CCDC169: variants seen among roughly 807,000 people sequenced by gnomAD.
The protein encoded by CCDC169 is coiled-coil domain containing 169.
Under a neutral mutation model 36.0 loss-of-function variants are expected in CCDC169, and 30 were observed. That is an observed-to-expected ratio of 0.83 (90% CI 0.62 to 1.13). CCDC169 has a LOEUF of 1.13. CCDC169 is among the 50% of genes most tolerant of loss of function. CCDC169 has a pLI of 0.00. For synonymous variants in CCDC169, 85 were observed against 81.5 expected (o/e 1.04, Z -0.23); for missense variants, 245 against 245.9 (o/e 1.00, Z 0.03).
At chr13:36,291,220 A>G (rs1213743855) in intron 2 of CCDC169, among the ~76,000 whole-genome samples, 1 of 152,216 alleles carries the variant, frequency 6.6e-6, no homozygotes, top group Non-Finnish European at 1.5e-5. Flanking sequence ...TAAGATACAC[A>G]CTGTTATGTT....
rs144875296 is a variant in CCDC169 at position 36,252,446 on chromosome 13, C to T, written c.468+1357G>A. Among the ~76,000 whole-genome samples, 43 of 152,284 alleles carry T rather than the reference C, an allele frequency of 2.8e-4. No individual in the cohort carries two copies. In the East Asian group the frequency reaches 5.2e-3, roughly 18 times the overall value. The stretch of plus-strand genomic sequence containing the variant: ...CTAATCCCCAAACCTAATGCCCTTC[C>T]TCTCAATCCTTTCATTATCCCTCTA... On this transcript the variant is annotated intron_variant, in intron 6 of 7. Transcript: ENST00000239859.
At chr13:36,253,086 G>A (rs1231615561) in intron 6 of CCDC169, among the ~76,000 whole-genome samples, 2 of 152,208 alleles carry the variant, frequency 1.3e-5, no homozygotes, top group East Asian at 3.9e-4. Flanking sequence ...GAAAATAGAT[G>A]CAACACCTTT....
At chr13:36,285,454 G>A (rs868260218) in intron 2 of CCDC169, among the ~76,000 whole-genome samples, 1 of 152,122 alleles carries the variant, frequency 6.6e-6, no homozygotes. Flanking sequence ...GGAGGCTGAG[G>A]CAGAAGAATT....
At chr13:36,255,659 TAA>T (rs3083965) in intron 4 of CCDC169, among the ~76,000 whole-genome samples, 5 of 124,568 alleles carry the variant, frequency 4.0e-5, no homozygotes, top group Admixed American at 8.3e-5. Context: ...CAAGGCTCCA[TAA>T]AAAAAAAAAA....
chr13:36,222,733 T>C (rs537972546), downstream of CCDC169: 1 of 152,204 alleles, frequency 6.6e-6, no homozygotes, highest in Admixed American at 6.5e-5. Context: ...GCATCTAATA[T>C]AAAATTAGTA....
At chr13:36,237,106 A>G (rs1165396215) in intron 7 of CCDC169, among the ~76,000 whole-genome samples, 1 of 151,736 alleles carries the variant, frequency 6.6e-6, no homozygotes, top group Non-Finnish European at 1.5e-5. Context: ...ATTTTTTTTG[A>G]TCCACAGTTG....
chr13:36,279,437 T>C (rs1669969343), intron 4 of CCDC169, among the ~76,000 whole-genome samples: 3 of 152,216 alleles, frequency 2.0e-5, no homozygotes, highest in Admixed American at 6.5e-5. Context: ...AGAAATACTT[T>C]ATAATAATTT....
intron 4 of CCDC169, among the ~76,000 whole-genome samples, chr13:36,259,314 C>T (rs1404987665): frequency 6.6e-6 from 1 of 152,150 alleles, no homozygotes; most frequent in Admixed American, 6.5e-5. Flanking sequence ...CCCCAGGAAG[C>T]GCTTCTTGGT....
At chr13:36,275,638 A>G (rs916324228) in intron 4 of CCDC169, among the ~76,000 whole-genome samples, 2 of 152,200 alleles carry the variant, frequency 1.3e-5, no homozygotes, top group Admixed American at 6.5e-5. Context: ...ATCAGGCATT[A>G]AAAACAACAT....
At chr13:36,294,296 G>A (rs1879229612) in intron 2 of CCDC169, among the ~76,000 whole-genome samples, 1 of 152,136 alleles carries the variant, frequency 6.6e-6, no homozygotes, top group African/African-American at 2.4e-5. Flanking sequence ...CTGTGAGCAT[G>A]CCTTCTGTTT....
intron 7 of CCDC169, 113 bp from the exon 8 acceptor site, chr13:36,231,405 T>C: frequency 1.9e-6 from 2 of 1,031,498 alleles, no homozygotes; most frequent in South Asian, 1.7e-5. Flanking sequence ...CCAACAGACC[T>C]TCACACGGAA....
intron 4 of CCDC169, among the ~76,000 whole-genome samples, chr13:36,277,696 T>C (rs752079920): frequency 5.9e-4 from 89 of 152,110 alleles, no homozygotes; most frequent in Non-Finnish European, 1.1e-3. Flanking sequence ...GTGAGGTGGC[T>C]CACGCCTGTA....
At chr13:36,245,785 G>A (rs1872439918) in intron 7 of CCDC169, among the ~76,000 whole-genome samples, 1 of 152,154 alleles carries the variant, frequency 6.6e-6, no homozygotes, top group African/African-American at 2.4e-5. Flanking sequence ...GTGCTTCAAA[G>A]ATACTGCATT....
chr13:36,222,532 T>G (rs558597344), downstream of CCDC169: 1 of 152,326 alleles, frequency 6.6e-6, no homozygotes, highest in African/African-American at 2.4e-5. Context: ...GTGTCCCAGC[T>G]GATCACTCAC....
chr13:36,293,655 C>T (rs952820065), intron 2 of CCDC169, among the ~76,000 whole-genome samples: 1 of 152,100 alleles, frequency 6.6e-6, no homozygotes, highest in Non-Finnish European at 1.5e-5. Context: ...GAAAAAGGTA[C>T]AAGAGGCATT....
intron 6 of CCDC169, among the ~76,000 whole-genome samples, chr13:36,253,464 G>A (rs183906912): frequency 6.6e-6 from 1 of 150,934 alleles, no homozygotes; most frequent in Admixed American, 6.6e-5. Flanking sequence ...TCACCTCTGA[G>A]TAGCTGGGAC....
downstream of CCDC169, chr13:36,227,475 T>TACACACACAC (rs138475016): frequency 5.5e-5 from 63 of 1,143,014 alleles, 2 homozygotes; most frequent in African/African-American, 7.6e-5. Context: ...ATTGTATTTT[T>TACACACACAC]ACACACACAC....
At chr13:36,286,561 C>T (rs1422033333) in intron 2 of CCDC169, among the ~76,000 whole-genome samples, 1 of 152,126 alleles carries the variant, frequency 6.6e-6, no homozygotes, top group African/African-American at 2.4e-5. Context: ...TGGATGCACA[C>T]CACCTGTTTG....
At chr13:36,291,446 T>C (rs1481723789) in intron 2 of CCDC169, among the ~76,000 whole-genome samples, 1 of 152,208 alleles carries the variant, frequency 6.6e-6, no homozygotes. Context: ...GTCAGATCTT[T>C]TATGGTTTCG....
Sources: gnomAD v4.1 joint callset for allele counts (sites outside exome capture counted in the v4.1 genomes callset) on GRCh38, gnomAD v4.1.1 for gene constraint, MANE v1.5 for transcripts, NCBI Gene and HGNC (gene_info 2026-07-23, HGNC 2026-07-21) for gene names.